The following RUNDC1 variants were observed in gnomAD, a reference collection of about 807,000 sequenced individuals.
RUNDC1 encodes the protein RUN domain-containing protein 1.
In RUNDC1, 31 loss-of-function variants were observed where a neutral mutation model predicts 49.3. The observed-to-expected ratio is 0.63, with a 90% confidence interval of 0.47 to 0.85. RUNDC1 has a LOEUF of 0.85. Ranked by LOEUF, RUNDC1 falls within the 40% of genes least tolerant of loss-of-function variation. The pLI, the probability that RUNDC1 is intolerant of heterozygous loss-of-function variation, is 0.00. For synonymous variants in RUNDC1, 347 were observed against 348.6 expected (o/e 1.00, Z 0.05); for missense variants, 715 against 806.7 (o/e 0.89, Z 1.38).
intron 2 of RUNDC1, among the ~76,000 whole-genome samples, chr17:42,987,789 G>A (rs1253958585): frequency 1.3e-5 from 2 of 152,208 alleles, no homozygotes; most frequent in East Asian, 1.9e-4. Context: ...TTTTGCTCTT[G>A]TTGCCCAGGC....
At chr17:42,986,126 T>G (rs2050168019) in intron 1 of RUNDC1, among the ~76,000 whole-genome samples, 1 of 151,652 alleles carries the variant, frequency 6.6e-6, no homozygotes, top group Non-Finnish European at 1.5e-5. Context: ...CAGCCTCTTG[T>G]GTGACTGGGA....
In RUNDC1 at chr17:42,991,121, T is replaced by A; in HGVS notation, c.1247T>A (p.Leu416Gln). Residue 416 changes from leucine (L) to glutamine (Q), a missense_variant, in exon 5 of 5, where the codon CTG becomes CAG. Around this residue, in one of 5 missense-constraint regions of RUNDC1, gnomAD observed 425 missense variants for 499.7 expected, o/e 0.85. Coordinates refer to ENST00000361677, the MANE Select transcript of RUNDC1 (RefSeq NM_173079.5). ...ITSANLQDLSLGGKDELTMAV... is the reference protein window; with the variant it reads ...ITSANLQDLSQGGKDELTMAV... ...TCTGCCAACCTCCAGGACCTCTCTC[T>A]GGGAGGCAAGGATGAGCTGACTATG... The A allele has an allele frequency of 6.2e-7, 1 of 1,614,210 alleles. No individual in the cohort carries two copies. The highest frequency in any genetic ancestry group is 8.5e-7 in the Non-Finnish European group (1 of 1,180,016).
chr17:42,983,775 G>A (rs9783821), intron 1 of RUNDC1, among the ~76,000 whole-genome samples: 6,839 of 151,612 alleles, frequency 0.045, 519 homozygotes, highest in African/African-American at 0.16. Flanking sequence ...GGGTTCAAGC[G>A]ATTCTCCTGC....
At chr17:42,987,487 C>T in intron 2 of RUNDC1, 73 bp downstream of exon 2, 2 of 1,416,078 alleles carry the variant, frequency 1.4e-6, no homozygotes, top group Non-Finnish European at 2.0e-6. Flanking sequence ...ACAGGGCATC[C>T]TCTCTCAGCT....
Position 42,989,549 on chromosome 17 carries a change from G to A in RUNDC1, c.856+10G>A. ...ATCAACTTCATCCAAGGTTAGAGGAGGGGATGGGATGAGAAGGGTGGACAG... is the reference window on the plus strand; with the variant it reads ...ATCAACTTCATCCAAGGTTAGAGGAAGGGATGGGATGAGAAGGGTGGACAG... On this transcript the variant is annotated intron_variant, in intron 3 of 4. Transcript: ENST00000361677. The A allele has an allele frequency of 1.2e-6, 2 of 1,611,858 alleles. No individual in the cohort carries two copies. Among genetic ancestry groups the A allele is most frequent in the Non-Finnish European group, 1.7e-6 (2 of 1,177,918 alleles).
At chr17:42,989,663 C>A in intron 3 of RUNDC1, 124 bp downstream of exon 3, 1 of 856,248 alleles carries the variant, frequency 1.2e-6, no homozygotes. Flanking sequence ...GGGACAGTGT[C>A]TCTCTCTGTT....
rs1214716382 is a variant in RUNDC1 at position 42,993,590 on chromosome 17, G to T, written c.*1874G>T. 6.6e-6 allele frequency: 1 copy of T among 152,140 alleles called. No homozygotes were observed. Among genetic ancestry groups the T allele is most frequent in the African/African-American group, 2.4e-5 (1 of 41,422 alleles). 9.4% of individuals were successfully genotyped at this position (152,140 alleles called of 1,614,324 possible). On this transcript the variant is annotated 3_prime_UTR_variant, in exon 5 of 5. Coordinates refer to ENST00000361677, the MANE Select transcript of RUNDC1 (RefSeq NM_173079.5). Reference sequence around the variant, plus strand: ...GATGCTAATGAAATCATAGTATTTTGTGTAGCTTCTCTGAAGACCTTAGAG... The same window carrying T: ...GATGCTAATGAAATCATAGTATTTTTTGTAGCTTCTCTGAAGACCTTAGAG...
rs578105215 is a variant in RUNDC1, at chr17:42,992,568, C to CAAAAAAAAAAAA, written c.*864_*875dup. On this transcript the variant is annotated 3_prime_UTR_variant, in exon 5 of 5. Coordinates refer to ENST00000361677, the MANE Select transcript of RUNDC1 (RefSeq NM_173079.5). ...TGGGCAACACAGGGAGACTCCATCTCAAAAAAAAAAAAAAAAAAAAAAAGA... is the reference window on the plus strand; with the variant it reads ...TGGGCAACACAGGGAGACTCCATCTCAAAAAAAAAAAAAAAAAAAAAAAAAAAAAAAAAAAGA... 1 of 55,078 alleles carries CAAAAAAAAAAAA rather than the reference C, an allele frequency of 1.8e-5. No individual in the cohort carries two copies. Among genetic ancestry groups the CAAAAAAAAAAAA allele is most frequent in the Non-Finnish European group, 3.5e-5 (1 of 28,214 alleles). The allele number at this position is 55,078 out of a possible 1,614,324, so 3.4% of individuals were successfully genotyped here.
intron 1 of RUNDC1, among the ~76,000 whole-genome samples, chr17:42,984,412 C>T (rs1161616732): frequency 6.6e-6 from 1 of 152,064 alleles, no homozygotes; most frequent in Non-Finnish European, 1.5e-5. Context: ...TCCCTAGTAG[C>T]TGGGACTGCA....
chr17:42,981,793 C>T (rs2050096006), intron 1 of RUNDC1: 1 of 151,874 alleles, frequency 6.6e-6, no homozygotes, highest in African/African-American at 2.4e-5. Flanking sequence ...TTTTTAAACT[C>T]TTCCTCCATC....
At position 42,993,559 on chromosome 17, in the gene RUNDC1, T is replaced by C. The variant is rs1241108192; in HGVS notation, c.*1843T>C. On this transcript the variant is annotated 3_prime_UTR_variant, in exon 5 of 5. Transcript: ENST00000361677. ...GTAAAATGTTGTGGAAAATGATACATATGTGGATGCTAATGAAATCATAGT... is the reference window on the plus strand; with the variant it reads ...GTAAAATGTTGTGGAAAATGATACACATGTGGATGCTAATGAAATCATAGT... 6.6e-6 allele frequency: 1 copy of C among 152,196 alleles called. No individual in the cohort carries two copies. The highest frequency in any genetic ancestry group is 1.5e-5 in the Non-Finnish European group (1 of 68,040). The allele number at this position is 152,196 out of a possible 1,614,324, so 9.4% of individuals were successfully genotyped here.
chr17:42,991,776 C>G lies in RUNDC1; in HGVS notation c.*60C>G. The G allele has an allele frequency of 6.6e-7, 1 of 1,520,196 alleles. No individual in the cohort carries two copies. The highest frequency in any genetic ancestry group is 8.8e-7 in the Non-Finnish European group (1 of 1,130,084). 94.2% of individuals were successfully genotyped at this position (1,520,196 alleles called of 1,614,324 possible). On this transcript the variant is annotated 3_prime_UTR_variant, in exon 5 of 5. Coordinates refer to ENST00000361677, the MANE Select transcript of RUNDC1 (RefSeq NM_173079.5). ...CAGTAGGGATAGATGTGCTAGTCTT[C>G]TAGCATAGGAGCAAGGAATCAGAGG...
At position 42,989,539 on chromosome 17, in the gene RUNDC1, G is replaced by A; in HGVS notation, c.856G>A (p.Asp286Asn). The change falls in exon 3 of 5, where the codon GAT (aspartate) becomes AAT (asparagine). Residue 286 changes from aspartate (D) to asparagine (N), a missense_variant and splice_region_variant. By Grantham distance (23) the Asp-to-Asn change is conservative (BLOSUM62 1). Transcript: ENST00000361677. ...TGAGATGTTTATCAACTTCATCCAAGGTTAGAGGAGGGGATGGGATGAGAA... is the reference window on the plus strand; with the variant it reads ...TGAGATGTTTATCAACTTCATCCAAAGTTAGAGGAGGGGATGGGATGAGAA... ...DLEMFINFIQ[D>N]EVGSPLQTGG... 6.2e-7 allele frequency: 1 copy of A among 1,613,480 alleles called. No individual in the cohort carries two copies. Among genetic ancestry groups the A allele is most frequent in the Non-Finnish European group, 8.5e-7 (1 of 1,179,420 alleles).
At chr17:42,988,794 C>T (rs2151959579) in intron 2 of RUNDC1, among the ~76,000 whole-genome samples, 1 of 152,032 alleles carries the variant, frequency 6.6e-6, no homozygotes, top group South Asian at 2.1e-4. Context: ...GCCTGAGCAA[C>T]ATAACGAGAC....
rs1406986490 is a variant in RUNDC1, at chr17:42,989,506, C to G, written c.823C>G (p.Arg275Gly). The G allele has an allele frequency of 4.3e-6, 7 of 1,613,978 alleles. No individual in the cohort carries two copies. The highest frequency in any genetic ancestry group is 5.9e-6 in the Non-Finnish European group (7 of 1,180,026). Reference sequence around the variant, plus strand: ...GGTTGAGCAACTGAAAACTCAGATCCGAGACCTTGAGATGTTTATCAACTT... The same window carrying G: ...GGTTGAGCAACTGAAAACTCAGATCGGAGACCTTGAGATGTTTATCAACTT... ...QLVEQLKTQI[R>G]DLEMFINFIQ... The change falls in exon 3 of 5, where the codon CGA becomes GGA. Residue 275 changes from arginine (R) to glycine (G), a missense_variant. Around this residue, in one of 5 missense-constraint regions of RUNDC1, gnomAD observed 425 missense variants for 499.7 expected, o/e 0.85. Coordinates refer to ENST00000361677, the MANE Select transcript of RUNDC1 (RefSeq NM_173079.5).
chr17:42,990,556 C>A (rs1248264926), intron 4 of RUNDC1, 120 bp downstream of exon 4: 3 of 1,076,052 alleles, frequency 2.8e-6, no homozygotes, highest in Non-Finnish European at 4.0e-6. Context: ...TATGGATTTG[C>A]TTTTGGGAAG....
Position 42,980,957 on chromosome 17 carries a change from A to C in RUNDC1, c.381A>C (p.Glu127Asp). 6.5e-7 allele frequency: 1 copy of C among 1,542,004 alleles called. No individual in the cohort carries two copies. The highest frequency in any genetic ancestry group is 1.2e-5 in the South Asian group (1 of 84,542). The part of the protein sequence containing the change: ...AEQQRLLREL[E>D]DFAFRGCPHV... ...AGCAGCGCCTTCTGCGGGAGCTCGA[A>C]GACTTCGCCTTCCGCGGCTGCCCTC... Residue 127 changes from glutamate (E) to aspartate (D), a missense_variant, in exon 1 of 5, where the codon GAA becomes GAC. By Grantham distance (45) the Glu-to-Asp change is conservative. Around this residue, in one of 5 missense-constraint regions of RUNDC1, gnomAD observed 113 missense variants for 93.4 expected, o/e 1.21. Coordinates refer to ENST00000361677, the MANE Select transcript of RUNDC1 (RefSeq NM_173079.5).
Position 42,982,549 on chromosome 17 carries a change from T to C in RUNDC1, c.498+1475T>C, listed in dbSNP as rs540222136. 2.0e-5 allele frequency among the ~76,000 whole-genome samples: 3 copies of C among 152,296 alleles called. No homozygotes were observed. In the South Asian group the frequency reaches 6.2e-4, roughly 32 times the overall value. ...CCAAAGGTTCTACATGATAGGAAAC[T>C]CTGTTGTTCATTTTCACCTTTAGAA... is the stretch of plus-strand genomic sequence containing the variant. On this transcript the variant is annotated intron_variant, in intron 1 of 4. Coordinates refer to ENST00000361677, the MANE Select transcript of RUNDC1 (RefSeq NM_173079.5).
Position 42,990,339 on chromosome 17 carries a change from G to C in RUNDC1, c.879G>C (p.Gln293His). 2 of 1,614,092 alleles carry C rather than the reference G, an allele frequency of 1.2e-6. No homozygotes were observed. The highest frequency in any genetic ancestry group is 1.7e-6 in the Non-Finnish European group (2 of 1,180,008). ...FIQDEVGSPL[Q>H]TGGGHCECKA... ...CAGATGAAGTGGGAAGCCCCTTGCA[G>C]ACAGGTGGTGGACACTGTGAGTGCA... The change falls in exon 4 of 5, where the codon CAG becomes CAC. Residue 293 changes from glutamine to histidine, a missense_variant. By Grantham distance (24) the Gln-to-His change is conservative. Around this residue, in one of 5 missense-constraint regions of RUNDC1, gnomAD observed 425 missense variants for 499.7 expected, o/e 0.85. Coordinates refer to ENST00000361677, the MANE Select transcript of RUNDC1 (RefSeq NM_173079.5).
Sources: allele counts gnomAD v4.1 joint callset (sites outside exome capture counted in the v4.1 genomes callset), GRCh38; gene constraint gnomAD v4.1.1; regional missense constraint gnomAD v4.1.1; transcripts MANE v1.5; gene names NCBI Gene and HGNC (gene_info 2026-07-23, HGNC 2026-07-21).